ATP12A: variants seen among roughly 807,000 people sequenced by gnomAD.
The protein encoded by ATP12A is potassium-transporting ATPase alpha chain 2.
A neutral mutation model predicts 111.2 loss-of-function variants in ATP12A; 81 were observed. That is an observed-to-expected ratio of 0.73 (90% CI 0.61 to 0.88). The LOEUF is 0.88. ATP12A is among the 40% of genes least tolerant of loss of function. The pLI is 0.00. For missense variants in ATP12A, 1,196 were observed against 1,313.1 expected (o/e 0.91, Z 1.38); for synonymous variants, 498 against 499.8 (o/e 1.00, Z 0.05).
intron 17 of ATP12A, among the ~76,000 whole-genome samples, chr13:24,707,719 C>T (rs562511369): frequency 6.6e-6 from 1 of 152,320 alleles, no homozygotes; most frequent in East Asian, 1.9e-4. Flanking sequence ...ACTCCCATCA[C>T]CTAGGCTAGA....
At chr13:24,694,988 C>T (rs1283843247) in intron 11 of ATP12A, among the ~76,000 whole-genome samples, 2 of 152,228 alleles carry the variant, frequency 1.3e-5, no homozygotes, top group Non-Finnish European at 2.9e-5. Context: ...ACCTGCTCCT[C>T]TCACCTCTAG....
intron 1 of ATP12A, among the ~76,000 whole-genome samples, chr13:24,681,175 C>A (rs1002289403): frequency 1.3e-5 from 2 of 152,048 alleles, no homozygotes; most frequent in Admixed American, 6.5e-5. Context: ...GCTGTTGTGT[C>A]CCCTGGGAAG....
chr13:24,682,118 GGT>G (rs1285509325), intron 2 of ATP12A, among the ~76,000 whole-genome samples: 17 of 100,448 alleles, frequency 1.7e-4, no homozygotes, highest in South Asian at 1.5e-3. Context: ...ATGTGTGTGT[GGT>G]GTGTGTGTGT....
At chr13:24,709,574 T>A in intron 18 of ATP12A, 87 bp downstream of exon 18, 1 of 1,594,426 alleles carries the variant, frequency 6.3e-7, no homozygotes. Context: ...AAGTGTGGTT[T>A]TCCTGTGGGG....
intron 14 of ATP12A, chr13:24,704,667 T>C (rs777856684): frequency 6.8e-5 from 14 of 205,628 alleles, no homozygotes; most frequent in Non-Finnish European, 1.3e-4. Context: ...CTCCAGAATG[T>C]GCTTCTGTCT....
In ATP12A at chr13:24,710,198, A is replaced by G. The variant is rs12585414; in HGVS notation, c.2764-262A>G. 8.8e-4 allele frequency among the ~76,000 whole-genome samples: 134 copies of G among 152,346 alleles called. 1 individual carries two copies. The East Asian group carries it at 0.023, about 26-fold the overall frequency. ...GGAGGGAGAATCACTTGAGCCCAGGAGTTTGAGACCAGCCTGGCCAACACA... is the reference window on the plus strand; with the variant it reads ...GGAGGGAGAATCACTTGAGCCCAGGGGTTTGAGACCAGCCTGGCCAACACA... On this transcript the variant is annotated intron_variant, in intron 19 of 22. Transcript: ENST00000381946.
At chr13:24,680,863 T>C (rs1593127905) in intron 1 of ATP12A, 111 bp downstream of exon 1, 1 of 1,374,002 alleles carries the variant, frequency 7.3e-7, no homozygotes, top group East Asian at 3.1e-5. Flanking sequence ...AAACGCCCCG[T>C]CCCGGGGCAA....
chr13:24,696,330 T>C (rs1566073720), intron 11 of ATP12A, among the ~76,000 whole-genome samples: 2 of 151,950 alleles, frequency 1.3e-5, no homozygotes, highest in African/African-American at 2.4e-5. Flanking sequence ...GCATGCCCAG[T>C]TGCAAAAGGG....
chr13:24,681,989 GTATGGTGTGTGGTGTGTGTA>G (rs984866619), intron 2 of ATP12A, among the ~76,000 whole-genome samples: 1 of 126,204 alleles, frequency 7.9e-6, no homozygotes, highest in Non-Finnish European at 1.7e-5. Flanking sequence ...TGGTGTGTGT[GTATGGTGTGTGGTGTGTGTA>G]TATGGTGTGT....
chr13:24,708,951 AAGAAAGAAAGAAGGAAAG>A (rs1875822515), intron 17 of ATP12A, among the ~76,000 whole-genome samples: 1 of 140,382 alleles, frequency 7.1e-6, no homozygotes, highest in Admixed American at 7.0e-5. Flanking sequence ...GAAAGAAAGA[AAGAAAGAAAGAAGGAAAG>A]AGAAAGAGAA....
intron 11 of ATP12A, among the ~76,000 whole-genome samples, chr13:24,696,801 G>A (rs1308781434): frequency 1.3e-5 from 2 of 150,840 alleles, no homozygotes; most frequent in African/African-American, 4.9e-5. Context: ...GGTGCTGTCT[G>A]GATGCTGTTA....
chr13:24,694,710 A>G (rs2289899), intron 11 of ATP12A, 132 bp downstream of exon 11: 752,265 of 1,379,114 alleles, frequency 0.55, 208,343 homozygotes, highest in Admixed American at 0.71. Flanking sequence ...TACAGCACCC[A>G]GGCATCTGGT....
Position 24,681,764 on chromosome 13 carries a change from C to A in ATP12A, c.168+44C>A, listed in dbSNP as rs1874443770. 2.5e-6 allele frequency: 4 copies of A among 1,611,192 alleles called. No homozygotes were observed. In the South Asian group the frequency reaches 4.4e-5, roughly 18 times the overall value. On this transcript the variant is annotated intron_variant, in intron 2 of 22. Transcript: ENST00000381946. The stretch of plus-strand genomic sequence containing the variant: ...CGGGGTCCTGCCGGCTATGGCCCTT[C>A]CCCGCAAGAGCTTGCCCCTAGAACC...
At chr13:24,707,473 C>T (rs773332621) in intron 17 of ATP12A, 40 bp downstream of exon 17, 2 of 1,611,630 alleles carry the variant, frequency 1.2e-6, no homozygotes, top group Admixed American at 1.7e-5. Flanking sequence ...ATGCCTGCCC[C>T]AGGGGAGGTC....
chr13:24,690,255 C>T, intron 5 of ATP12A, 83 bp from the exon 6 acceptor site: 5 of 1,567,488 alleles, frequency 3.2e-6, no homozygotes, highest in Non-Finnish European at 4.3e-6. Context: ...GGCCTCTGTC[C>T]TGGGGTTCGG....
intron 14 of ATP12A, among the ~76,000 whole-genome samples, chr13:24,703,331 C>G (rs1875475883): frequency 6.6e-6 from 1 of 152,228 alleles, no homozygotes; most frequent in African/African-American, 2.4e-5. Flanking sequence ...CAATCTCCAC[C>G]TCCTGGGTTC....
chr13:24,707,140 A>G lies in ATP12A; in HGVS notation c.2287A>G (p.Met763Val), dbSNP rs371438244. ...TGATGCAGCCAAAAATGCAGCCGAC[A>G]TGGTCTTGCTGGACGACAACTTCGC... is the stretch of plus-strand genomic sequence containing the variant. ...GSDAAKNAAD[M>V]VLLDDNFASI... is the part of the protein sequence containing the mutation. Residue 763 changes from methionine to valine, a missense_variant, in exon 16 of 23, where the codon ATG (methionine) becomes GTG (valine). Coordinates refer to ENST00000381946, the MANE Select transcript of ATP12A (RefSeq NM_001676.7). 12 of 1,614,050 alleles carry G rather than the reference A, an allele frequency of 7.4e-6. No individual in the cohort carries two copies. The highest frequency in any genetic ancestry group is 1.0e-5 in the Non-Finnish European group (12 of 1,180,026).
chr13:24,689,633 C>G (rs1874797311), intron 5 of ATP12A, among the ~76,000 whole-genome samples: 1 of 152,200 alleles, frequency 6.6e-6, no homozygotes, highest in Non-Finnish European at 1.5e-5. Context: ...GATAGTCCTT[C>G]TGGGTTCTGG....
Position 24,711,423 on chromosome 13 carries a change from G to T in ATP12A, c.3091+14G>T, listed in dbSNP as rs1425348866. On this transcript the variant is annotated intron_variant, in intron 22 of 22. Transcript: ENST00000381946. Reference sequence around the variant, plus strand: ...TCTACCCTGGAAGTGAGTAGCCTATGATTTTAGAGGCTCTGTTTACCCACT... The same window carrying T: ...TCTACCCTGGAAGTGAGTAGCCTATTATTTTAGAGGCTCTGTTTACCCACT... 6.2e-7 allele frequency: 1 copy of T among 1,613,950 alleles called. No individual in the cohort carries two copies. The highest frequency in any genetic ancestry group is 8.5e-7 in the Non-Finnish European group (1 of 1,179,908).
Sources: allele counts gnomAD v4.1 joint callset (sites outside exome capture counted in the v4.1 genomes callset), GRCh38; gene constraint gnomAD v4.1.1; transcripts MANE v1.5; gene names NCBI Gene and HGNC (gene_info 2026-07-23, HGNC 2026-07-21).